SYN1: variants seen among roughly 807,000 people sequenced by gnomAD.
SYN1 encodes synapsin-1.
In SYN1, 8 loss-of-function variants were observed where a neutral mutation model predicts 44.6. The ratio of observed to expected loss-of-function variants is 0.18; its 90% CI spans 0.11 to 0.32. The LOEUF is 0.32. SYN1 is among the 10% of genes least tolerant of loss of function. The pLI, the probability that SYN1 is intolerant of heterozygous loss-of-function variation, is 1.00. For synonymous variants in SYN1, 275 were observed against 280.1 expected, an observed-to-expected ratio of 0.98 and a Z score of 0.18; for missense variants, 451 against 639.4, an observed-to-expected ratio of 0.71 and a Z score of 3.18.
chrX:47,586,581 G>C, intron 5 of SYN1: 1 of 1,211,911 alleles, frequency 8.3e-7, no homozygotes, highest in Non-Finnish European at 1.1e-6. Flanking sequence ...CTTGTGGACG[G>C]ACCAGCTCCT....
intron 3 of SYN1, 55 bp downstream of exon 3, chrX:47,606,890 A>G: frequency 9.0e-7 from 1 of 1,113,730 alleles, no homozygotes; most frequent in Non-Finnish European, 1.2e-6. Flanking sequence ...CCCCAGCTCT[A>G]AGGGAGAGTT....
intron 5 of SYN1, among the ~76,000 whole-genome samples, chrX:47,598,866 T>C (rs2057871799): frequency 9.3e-6 from 1 of 107,215 alleles, no homozygotes; most frequent in African/African-American, 3.4e-5. Context: ...AATAAAAAAC[T>C]AAAAATTAGC....
intron 5 of SYN1, among the ~76,000 whole-genome samples, chrX:47,599,777 C>T (rs920311941): frequency 9.9e-5 from 11 of 111,605 alleles, no homozygotes; most frequent in Admixed American, 7.6e-4. Flanking sequence ...TCAGCACAAA[C>T]GGTAAAGGGT....
At chrX:47,589,399 C>T in intron 5 of SYN1, among the ~76,000 whole-genome samples, 1 of 107,999 alleles carries the variant, frequency 9.3e-6, no homozygotes, top group East Asian at 2.9e-4. Flanking sequence ...CGAGACCATC[C>T]TGGCTAACAA....
At chrX:47,603,890 T>TTTTATA (rs1292854071) in intron 5 of SYN1, among the ~76,000 whole-genome samples, 40 of 88,204 alleles carry the variant, frequency 4.5e-4, no homozygotes, top group African/African-American at 1.7e-3. Context: ...ATATTAGTGA[T>TTTTATA]TATATATATA....
At chrX:47,573,841 A>C (rs778944473) in intron 12 of SYN1, among the ~76,000 whole-genome samples, 161 bp downstream of exon 12, 116 of 108,623 alleles carry the variant, frequency 1.1e-3, no homozygotes, top group African/African-American at 3.7e-3. Context: ...GGCCGGGAGG[A>C]GCGAAAGCTT....
rs1281345996 is a variant in SYN1, at chrX:47,619,550, G to A, written c.179C>T (p.Ala60Val). Residue 60 changes from alanine to valine, a missense_variant, in exon 1 of 13, where the codon GCG becomes GTG. By Grantham distance (64) the Ala-to-Val change is moderately conservative (BLOSUM62 0). Coordinates refer to ENST00000295987, the MANE Select transcript of SYN1 (RefSeq NM_006950.3). ...GGGGCTAGGGGCGGCCGGAGAGGCC[G>A]CTGGGGCGACCCCGGAGGACCTCTC... ...TAERSSGVAP[A>V]ASPAAPSPGS... 1.7e-6 allele frequency: 2 copies of A among 1,185,219 alleles called. No individual in the cohort carries two copies. The highest frequency in any genetic ancestry group is 2.3e-5 in the Admixed American group (1 of 43,308).
chrX:47,599,113 T>A (rs1176437739), intron 5 of SYN1, among the ~76,000 whole-genome samples: 1 of 110,938 alleles, frequency 9.0e-6, no homozygotes, highest in East Asian at 2.8e-4. Flanking sequence ...CTAGAAAATA[T>A]CTGTTTAACT....
chrX:47,586,087 G>A, intron 5 of SYN1: 5 of 946,349 alleles, frequency 5.3e-6, no homozygotes, highest in Non-Finnish European at 6.7e-6. Flanking sequence ...ACACCAGAGG[G>A]TGTTACACTG....
chrX:47,601,647 A>G (rs2057879964), intron 5 of SYN1, among the ~76,000 whole-genome samples: 1 of 112,196 alleles, frequency 8.9e-6, no homozygotes, highest in South Asian at 3.6e-4. Context: ...AAATAGAAGA[A>G]GGAACACTGT....
intron 5 of SYN1, among the ~76,000 whole-genome samples, chrX:47,581,365 A>G (rs1481059849): frequency 8.9e-6 from 1 of 112,401 alleles, no homozygotes; most frequent in East Asian, 2.8e-4. Flanking sequence ...ATTGTCAGAA[A>G]GCTGGTGGGC....
At chrX:47,577,644 G>T in intron 5 of SYN1, 143 bp from the exon 6 acceptor site, 1 of 530,278 alleles carries the variant, frequency 1.9e-6, no homozygotes, top group Non-Finnish European at 3.3e-6. Flanking sequence ...CAGGCAGGCA[G>T]CAGCTGGGGG....
At chrX:47,580,678 G>A (rs1201451414) in intron 5 of SYN1, among the ~76,000 whole-genome samples, 1 of 109,470 alleles carries the variant, frequency 9.1e-6, no homozygotes, top group Non-Finnish European at 1.9e-5. Context: ...GCTCACGCCT[G>A]TAATCCCAAC....
intron 3 of SYN1, 80 bp downstream of exon 3, chrX:47,606,865 G>A: frequency 1.0e-6 from 1 of 958,079 alleles, no homozygotes; most frequent in Non-Finnish European, 1.5e-6. Context: ...GATGGGTGGG[G>A]AGGTAGGAAC....
intron 5 of SYN1, among the ~76,000 whole-genome samples, chrX:47,595,270 G>C (rs2057860788): frequency 8.9e-6 from 1 of 111,919 alleles, no homozygotes; most frequent in South Asian, 3.7e-4. Context: ...ATGTAAATAA[G>C]TGTTTCCCTG....
intron 5 of SYN1, among the ~76,000 whole-genome samples, chrX:47,599,628 G>A (rs1170708849): frequency 8.9e-6 from 1 of 112,564 alleles, no homozygotes; most frequent in Non-Finnish European, 1.9e-5. Context: ...AAAACAGAAT[G>A]CTATAAATAG....
chrX:47,597,393 A>T (rs1325690721), intron 5 of SYN1, among the ~76,000 whole-genome samples: 1 of 110,726 alleles, frequency 9.0e-6, no homozygotes, highest in East Asian at 2.8e-4. Flanking sequence ...GAAATGAAAA[A>T]TTCACTAGAG....
At chrX:47,589,637 T>A (rs1346711809) in intron 5 of SYN1, among the ~76,000 whole-genome samples, 1 of 104,541 alleles carries the variant, frequency 9.6e-6, no homozygotes, top group Admixed American at 1.0e-4. Context: ...TGGAGCCAGA[T>A]CATCTGCATT....
At chrX:47,612,742 C>T (rs772658334) in intron 1 of SYN1, among the ~76,000 whole-genome samples, 1 of 111,732 alleles carries the variant, frequency 8.9e-6, no homozygotes, top group Non-Finnish European at 1.9e-5. Context: ...AATGGTTTGG[C>T]TGGTTGGTCA....
Sources: gnomAD v4.1 joint callset for allele counts (sites outside exome capture counted in the v4.1 genomes callset) on GRCh38, gnomAD v4.1.1 for gene constraint, MANE v1.5 for transcripts, NCBI Gene and HGNC (gene_info 2026-07-23, HGNC 2026-07-21) for gene names.